The following SQLE variants were observed in gnomAD, a reference collection of about 807,000 sequenced individuals.
The protein encoded by SQLE is squalene epoxidase, also known as squalene monooxygenase.
A neutral mutation model predicts 60.7 loss-of-function variants in SQLE; 29 were observed. That is an observed-to-expected ratio of 0.48 (90% CI 0.36 to 0.65). The LOEUF (loss-of-function observed/expected upper bound fraction) is 0.65, where lower values mean the gene tolerates loss of function less well. Among genes scored for constraint, SQLE ranks in the 30% least tolerant of loss-of-function variants. The pLI is 0.00. For synonymous variants in SQLE, 237 were observed against 246.8 expected (o/e 0.96, Z 0.37); for missense variants, 605 against 684.1 (o/e 0.88, Z 1.29).
At chr8:125,014,021 A>G (rs555565535) in intron 7 of SQLE, among the ~76,000 whole-genome samples, 1 of 152,344 alleles carries the variant, frequency 6.6e-6, no homozygotes, top group South Asian at 2.1e-4. Flanking sequence ...TTAGACTTTT[A>G]TTTCAGGAAT....
intron 1 of SQLE, among the ~76,000 whole-genome samples, chr8:125,001,488 G>GTGTGTGTA (rs1186944800): frequency 8.8e-6 from 1 of 113,718 alleles, no homozygotes; most frequent in Non-Finnish European, 1.9e-5. Flanking sequence ...GTGTGTGTGT[G>GTGTGTGTA]TATATAAAAC....
chr8:125,020,009 A>G (rs1180826942), intron 9 of SQLE, among the ~76,000 whole-genome samples: 1 of 152,226 alleles, frequency 6.6e-6, no homozygotes, highest in Non-Finnish European at 1.5e-5. Flanking sequence ...AAAAGAACTA[A>G]GTTTAGAGTT....
Position 124,999,045 on chromosome 8 carries a change from A to C in SQLE, c.-359A>C. ...AGAAATTATAGCACGAAGAGCCAGTATCAGAAGAGTATCCATCACCCGCAG... is the reference window on the plus strand; with the variant it reads ...AGAAATTATAGCACGAAGAGCCAGTCTCAGAAGAGTATCCATCACCCGCAG... On this transcript the variant is annotated 5_prime_UTR_variant, in exon 1 of 11. Coordinates refer to ENST00000265896, the MANE Select transcript of SQLE (RefSeq NM_003129.4). 1 of 276,452 alleles carries C rather than the reference A, an allele frequency of 3.6e-6. No individual in the cohort carries two copies. The allele number at this position is 276,452 out of a possible 1,614,324, so 17.1% of individuals were successfully genotyped here. A position where few individuals can be genotyped will look rare whatever the true frequency, so the allele number is the denominator to read the frequency against.
intron 6 of SQLE, among the ~76,000 whole-genome samples, chr8:125,009,947 G>T (rs1356930091): frequency 1.3e-5 from 2 of 152,134 alleles, no homozygotes; most frequent in African/African-American, 4.8e-5. Flanking sequence ...ATATTTTTGT[G>T]CTTGGTTTTT....
intron 3 of SQLE, among the ~76,000 whole-genome samples, chr8:125,006,852 A>T (rs746629316): frequency 6.6e-6 from 1 of 151,346 alleles, no homozygotes; most frequent in South Asian, 2.1e-4. Context: ...TTACAGGCAC[A>T]TGCCACCACG....
rs1232599991 is a variant in SQLE, at chr8:125,005,518, T to G, written c.545-7T>G. The G allele has an allele frequency of 6.4e-7, 1 of 1,573,114 alleles. No individual in the cohort carries two copies. The highest frequency in any genetic ancestry group is 1.4e-5 in the African/African-American group (1 of 73,662). ...AATTGATTGTTTTGAACTCGATTGC[T>G]TTGCAGATACAGTGGAAGGTCTTGA... On this transcript the variant is annotated splice_polypyrimidine_tract_variant and splice_region_variant and intron_variant, in intron 2 of 10. Transcript: ENST00000265896.
intron 6 of SQLE, among the ~76,000 whole-genome samples, chr8:125,009,994 A>T (rs1432581209): frequency 6.6e-6 from 1 of 152,216 alleles, no homozygotes; most frequent in Non-Finnish European, 1.5e-5. Context: ...AATGCTTACT[A>T]TAAAGTGTTT....
chr8:125,007,537 CT>C (rs2129884936), intron 4 of SQLE, 50 bp downstream of exon 4: 4 of 1,272,628 alleles, frequency 3.1e-6, no homozygotes, highest in South Asian at 1.4e-5. Context: ...GTTTTTCCTG[CT>C]TTTTCACTTA....
At chr8:125,000,242 G>C (rs897282718) in intron 1 of SQLE, among the ~76,000 whole-genome samples, 1 of 152,138 alleles carries the variant, frequency 6.6e-6, no homozygotes, top group Non-Finnish European at 1.5e-5. Flanking sequence ...TAACATAAAG[G>C]CCAGGTCTTC....
intron 3 of SQLE, 139 bp downstream of exon 3, chr8:125,005,844 A>C (rs759791392): frequency 1.7e-6 from 1 of 588,196 alleles, no homozygotes; most frequent in Non-Finnish European, 2.6e-6. Flanking sequence ...ATAAACTGTC[A>C]GTCAAAAGAG....
rs1563594064 is a variant in SQLE, at chr8:124,999,104, AAAG to A, written c.-299_-297del. ...CAGGGAACACCATCAAAAAAGAAAA[AAAG>A]GGAATATCTGGATTTCCTGGGCGAG... On this transcript the variant is annotated 5_prime_UTR_variant, in exon 1 of 11. Coordinates refer to ENST00000265896, the MANE Select transcript of SQLE (RefSeq NM_003129.4). 5.9e-6 allele frequency: 2 copies of A among 337,780 alleles called. No homozygotes were observed. The allele number at this position is 337,780 out of a possible 1,614,324, so 20.9% of individuals were successfully genotyped here. A position where few individuals can be genotyped will look rare whatever the true frequency, so the allele number is the denominator to read the frequency against.
chr8:125,010,727 G>A (rs1815025985), intron 6 of SQLE, among the ~76,000 whole-genome samples: 1 of 151,838 alleles, frequency 6.6e-6, no homozygotes, highest in South Asian at 2.1e-4. Context: ...TCCATTACCT[G>A]ATATTTTTAG....
chr8:125,011,912 G>A (rs1194071571), intron 7 of SQLE, among the ~76,000 whole-genome samples: 1 of 134,860 alleles, frequency 7.4e-6, no homozygotes, highest in Non-Finnish European at 1.6e-5. Flanking sequence ...TTACAACACT[G>A]TTGATAAATA....
chr8:125,002,862 A>G (rs1319886151), intron 1 of SQLE, among the ~76,000 whole-genome samples: 4 of 152,240 alleles, frequency 2.6e-5, no homozygotes, highest in African/African-American at 9.6e-5. Context: ...AGCCCCTTAT[A>G]AACATTTATT....
chr8:125,009,037 T>G lies in SQLE; in HGVS notation c.889T>G (p.Ser297Ala). ...CTCCAAGTTCAGGAAAAGCCTGGTCTCCAATAAAGTTTCTGTATCATCTCA... is the reference window on the plus strand; with the variant it reads ...CTCCAAGTTCAGGAAAAGCCTGGTCGCCAATAAAGTTTCTGTATCATCTCA... ...LFSKFRKSLV[S>A]NKVSVSSHFV... Residue 297 changes from serine to alanine, a missense_variant, in exon 5 of 11, where the codon TCC (serine) becomes GCC (alanine). Physicochemically the swap from Ser to Ala is moderately conservative, Grantham distance 99. Coordinates refer to ENST00000265896, the MANE Select transcript of SQLE (RefSeq NM_003129.4). 1 of 1,603,580 alleles carries G rather than the reference T, an allele frequency of 6.2e-7. No individual in the cohort carries two copies. Among genetic ancestry groups the G allele is most frequent in the Non-Finnish European group, 8.5e-7 (1 of 1,175,974 alleles).
At chr8:125,020,988 T>C in intron 10 of SQLE, 117 bp downstream of exon 10, 2 of 705,936 alleles carry the variant, frequency 2.8e-6, no homozygotes, top group Middle Eastern at 2.5e-4. Flanking sequence ...TATCTGTTAG[T>C]ATCCCAATGA....
At chr8:125,021,489 T>C (rs914972292) in intron 10 of SQLE, among the ~76,000 whole-genome samples, 1 of 140,092 alleles carries the variant, frequency 7.1e-6, no homozygotes, top group Non-Finnish European at 1.5e-5. Flanking sequence ...CAGGAGTTAC[T>C]AGCTTTTCTG....
In SQLE at chr8:125,005,629, C is replaced by A; in HGVS notation, c.649C>A (p.Gln217Lys). The A allele has an allele frequency of 6.2e-7, 1 of 1,611,900 alleles. No individual in the cohort carries two copies. The highest frequency in any genetic ancestry group is 8.5e-7 in the Non-Finnish European group (1 of 1,178,594). The change falls in exon 3 of 11, where the codon CAA becomes AAA. Residue 217 changes from glutamine (Q) to lysine (K), a missense_variant. Gln to Lys is a moderately conservative substitution (Grantham distance 53). Coordinates refer to ENST00000265896, the MANE Select transcript of SQLE (RefSeq NM_003129.4). ...TCCTTACCCTCTGTCAGAAAACAAT[C>A]AAGTGCAGAGTGGAAGAGCTTTCCA... ...QIPYPLSENN[Q>K]VQSGRAFHHG...
chr8:125,000,657 T>G (rs534099565), intron 1 of SQLE, among the ~76,000 whole-genome samples: 2 of 152,080 alleles, frequency 1.3e-5, no homozygotes, highest in South Asian at 4.1e-4. Flanking sequence ...TTTCACCATG[T>G]TGGCCAGGCT....
Sources: allele counts gnomAD v4.1 joint callset (sites outside exome capture counted in the v4.1 genomes callset), GRCh38; gene constraint gnomAD v4.1.1; transcripts MANE v1.5; gene names NCBI Gene and HGNC (gene_info 2026-07-23, HGNC 2026-07-21).